Variants in TMEM74 observed in about 807,000 individuals in gnomAD.
The protein encoded by TMEM74 is transmembrane protein 74.
A neutral mutation model predicts 18.1 loss-of-function variants in TMEM74; 13 were observed. The ratio of observed to expected loss-of-function variants is 0.72; its 90% CI spans 0.47 to 1.14. TMEM74 has a LOEUF of 1.14. TMEM74 is among the 50% of genes most tolerant of loss of function. TMEM74 has a pLI of 0.00. For synonymous variants in TMEM74, 159 were observed against 146.6 expected, an observed-to-expected ratio of 1.08 and a Z score of -0.61; for missense variants, 372 against 375.9, an observed-to-expected ratio of 0.99 and a Z score of 0.09.
chr8:108,620,255 C>A (rs1303266675), intron 2 of TMEM74, among the ~76,000 whole-genome samples: 3 of 151,608 alleles, frequency 2.0e-5, no homozygotes, highest in African/African-American at 7.3e-5. Context: ...AGATAATGGG[C>A]AAAAAAGAGA....
At position 108,779,011 on chromosome 8, in the gene TMEM74, T is replaced by G. The variant is rs1439873230; in HGVS notation, c.*5170A>C. On this transcript the variant is annotated 3_prime_UTR_variant, in exon 2 of 2. Coordinates refer to ENST00000297459, the MANE Select transcript of TMEM74 (RefSeq NM_153015.3). ...ATTCATTTTAATTTTTTTGGACAAATAATTTCAAATATAATTTTAAAAGAC... is the reference window on the plus strand; with the variant it reads ...ATTCATTTTAATTTTTTTGGACAAAGAATTTCAAATATAATTTTAAAAGAC... Among the ~76,000 whole-genome samples the G allele has an allele frequency of 6.6e-6, 1 of 152,136 alleles. No individual in the cohort carries two copies. Among genetic ancestry groups the G allele is most frequent in the African/African-American group, 2.4e-5 (1 of 41,450 alleles).
At chr8:108,638,312 A>C (rs1025302931) in intron 2 of TMEM74, among the ~76,000 whole-genome samples, 7 of 143,620 alleles carry the variant, frequency 4.9e-5, no homozygotes, top group Admixed American at 4.2e-4. Context: ...TTCAATTTCA[A>C]AGTTTTTAAG....
At position 108,781,137 on chromosome 8, in the gene TMEM74, T is replaced by A. The variant is rs1814302125; in HGVS notation, c.*3044A>T. On this transcript the variant is annotated 3_prime_UTR_variant, in exon 2 of 2. Coordinates refer to ENST00000297459, the MANE Select transcript of TMEM74 (RefSeq NM_153015.3). ...TAGGAAGATGACTCTTGAGTTTAGA[T>A]TTCTAAAACCATGTAAATAAGCTAA... Among the ~76,000 whole-genome samples, 1 of 152,114 alleles carries A rather than the reference T, an allele frequency of 6.6e-6. No individual in the cohort carries two copies. Among genetic ancestry groups the A allele is most frequent in the African/African-American group, 2.4e-5 (1 of 41,428 alleles).
intron 2 of TMEM74, among the ~76,000 whole-genome samples, chr8:108,644,517 A>G (rs546211942): frequency 3.3e-5 from 5 of 152,302 alleles, no homozygotes; most frequent in African/African-American, 4.8e-5. Context: ...TAATTAAACA[A>G]AAGCGCTTCT....
At chr8:108,616,589 T>C (rs1186041629) in intron 2 of TMEM74, among the ~76,000 whole-genome samples, 1 of 152,158 alleles carries the variant, frequency 6.6e-6, no homozygotes, top group African/African-American at 2.4e-5. Context: ...CAGATATATG[T>C]TCTTGGAAAA....
intron 1 of TMEM74, among the ~76,000 whole-genome samples, chr8:108,699,564 A>G (rs1394498391): frequency 2.0e-5 from 3 of 152,130 alleles, no homozygotes; most frequent in African/African-American, 7.2e-5. Flanking sequence ...GAACAATTAT[A>G]TTGAAATAAT....
intron 2 of TMEM74, among the ~76,000 whole-genome samples, chr8:108,611,625 T>C (rs1812334767): frequency 6.6e-6 from 1 of 152,190 alleles, no homozygotes; most frequent in Admixed American, 6.5e-5. Flanking sequence ...TGAGGACTTT[T>C]ATATGTGTTG....
chr8:108,657,898 A>G (rs1248572203), intron 1 of TMEM74, among the ~76,000 whole-genome samples: 13 of 122,924 alleles, frequency 1.1e-4, no homozygotes, highest in African/African-American at 4.1e-4. Context: ...ATATATATAT[A>G]TATATTAATT....
intron 1 of TMEM74, among the ~76,000 whole-genome samples, chr8:108,673,689 A>G (rs556422267): frequency 6.6e-6 from 1 of 152,332 alleles, no homozygotes; most frequent in South Asian, 2.1e-4. Context: ...AAGCCATCAG[A>G]ATAACCCAAT....
At chr8:108,683,981 C>T (rs1469281607) in intron 1 of TMEM74, among the ~76,000 whole-genome samples, 2 of 152,026 alleles carry the variant, frequency 1.3e-5, no homozygotes, top group African/African-American at 2.4e-5. Context: ...ATATACACCA[C>T]ATTTTATTTA....
chr8:108,663,827 G>T (rs183645974), intron 1 of TMEM74, among the ~76,000 whole-genome samples: 1 of 152,276 alleles, frequency 6.6e-6, no homozygotes, highest in East Asian at 1.9e-4. Context: ...GATGCAGTTG[G>T]AAGCCATTAT....
Position 108,625,168 on chromosome 8 carries a change from G to A in TMEM74, n.265-16342C>T, listed in dbSNP as rs911795776. On this transcript the variant is annotated intron_variant and non_coding_transcript_variant, in intron 2 of 3. Transcript: ENST00000518838. ...GGAGACTTTGACCTAGACCCCTAAA[G>A]CTTATCTTGCATATTTGTTAATCAT... Among the ~76,000 whole-genome samples the A allele has an allele frequency of 2.0e-5, 3 of 151,900 alleles. 1 individual carries two copies. Among genetic ancestry groups the A allele is most frequent in the South Asian group, 4.1e-4 (2 of 4,820 alleles).
intron 1 of TMEM74, among the ~76,000 whole-genome samples, chr8:108,741,381 C>T (rs1813798693): frequency 6.6e-6 from 1 of 152,104 alleles, no homozygotes; most frequent in African/African-American, 2.4e-5. Context: ...TAAAGCATTA[C>T]ATAGTAAAAC....
In TMEM74 at chr8:108,784,380, G is replaced by T; in HGVS notation, c.719C>A (p.Thr240Lys). 2.5e-6 allele frequency: 4 copies of T among 1,614,080 alleles called. No individual in the cohort carries two copies. Among genetic ancestry groups the T allele is most frequent in the Non-Finnish European group, 3.4e-6 (4 of 1,180,024 alleles). ...GCAGGACAGGATGACGCCCCCCAGCGTGAGGAGGCAGAGCCCCGCAATCAC... is the reference window on the plus strand; with the variant it reads ...GCAGGACAGGATGACGCCCCCCAGCTTGAGGAGGCAGAGCCCCGCAATCAC... ...RCVIAGLCLL[T>K]LGGVILSCLL... Residue 240 changes from threonine (T) to lysine (K), a missense_variant, in exon 2 of 2, where the codon ACG becomes AAG. Coordinates refer to ENST00000297459, the MANE Select transcript of TMEM74 (RefSeq NM_153015.3).
At chr8:108,744,620 T>C (rs1813831955) in intron 1 of TMEM74, among the ~76,000 whole-genome samples, 1 of 152,152 alleles carries the variant, frequency 6.6e-6, no homozygotes, top group African/African-American at 2.4e-5. Flanking sequence ...GAAAAGTCAA[T>C]TATGCAGATG....
intron 1 of TMEM74, among the ~76,000 whole-genome samples, chr8:108,742,876 G>C (rs1400698282): frequency 6.6e-6 from 1 of 152,152 alleles, no homozygotes; most frequent in Non-Finnish European, 1.5e-5. Flanking sequence ...AAACCAGAAG[G>C]CATCATGCAA....
intron 1 of TMEM74, among the ~76,000 whole-genome samples, chr8:108,698,533 A>T (rs2935799): frequency 0.2 from 30,296 of 152,134 alleles, 3,128 homozygotes; most frequent in East Asian, 0.29. Context: ...AGTGGATGGC[A>T]TGTAGGAAGA....
chr8:108,772,607 G>T (rs977844023), intron 1 of TMEM74, among the ~76,000 whole-genome samples: 1 of 152,120 alleles, frequency 6.6e-6, no homozygotes, highest in Non-Finnish European at 1.5e-5. Context: ...CCATGAGGTT[G>T]GCCTTGGTGG....
At chr8:108,710,061 G>C (rs1813459036) in intron 1 of TMEM74, among the ~76,000 whole-genome samples, 1 of 152,158 alleles carries the variant, frequency 6.6e-6, no homozygotes, top group Non-Finnish European at 1.5e-5. Context: ...CTGTAAGATG[G>C]GGATAATAAC....
Sources: gnomAD v4.1 joint callset for allele counts (sites outside exome capture counted in the v4.1 genomes callset) on GRCh38, gnomAD v4.1.1 for gene constraint, MANE v1.5 for transcripts, NCBI Gene and HGNC (gene_info 2026-07-23, HGNC 2026-07-21) for gene names.